The following SYT12 variants were observed in gnomAD, a reference collection of about 807,000 sequenced individuals.
SYT12 encodes synaptotagmin 12, also known as synaptotagmin-12.
Under a neutral mutation model 39.5 loss-of-function variants are expected in SYT12, and 27 were observed. The observed-to-expected ratio is 0.68, with a 90% CI of 0.50 to 0.94. The LOEUF (loss-of-function observed/expected upper bound fraction) is 0.94. SYT12 is among the 40% of genes least tolerant of loss of function. SYT12 has a pLI of 0.00. For missense variants in SYT12, 536 were observed against 572.6 expected, an observed-to-expected ratio of 0.94 and a Z score of 0.65; for synonymous variants, 233 against 239.7, an observed-to-expected ratio of 0.97 and a Z score of 0.26.
intron 3 of SYT12, among the ~76,000 whole-genome samples, chr11:67,013,326 C>G (rs562763288): frequency 6.6e-6 from 1 of 152,162 alleles, no homozygotes; most frequent in Non-Finnish European, 1.5e-5. Context: ...TTGTGTCTGC[C>G]GAGCTGATAC....
chr11:67,040,118 T>C lies in SYT12; in HGVS notation c.536T>C (p.Leu179Pro), dbSNP rs1033273259. ...LNVAVMQGKD[L>P]LEREEASFES... ...GTGGCGGTGATGCAGGGCAAGGACC[T>C]CCTGGAGCGGGAGGAGGCCAGCTTC... Residue 179 changes from leucine to proline, a missense_variant, in exon 4 of 8, where the codon CTC becomes CCC. Transcript: ENST00000527043. 2 of 1,612,610 alleles carry C rather than the reference T, an allele frequency of 1.2e-6. No individual in the cohort carries two copies. Among genetic ancestry groups the C allele is most frequent in the African/African-American group, 2.7e-5 (2 of 74,912 alleles).
At chr11:67,037,652 G>A (rs1023642712) in intron 3 of SYT12, among the ~76,000 whole-genome samples, 1 of 152,016 alleles carries the variant, frequency 6.6e-6, no homozygotes, top group African/African-American at 2.4e-5. Context: ...GGAAGCTGAG[G>A]TGGGCATCAC....
chr11:67,025,334 G>A (rs1950166660), intron 1 of SYT12, among the ~76,000 whole-genome samples: 1 of 152,218 alleles, frequency 6.6e-6, no homozygotes, highest in African/African-American at 2.4e-5. Flanking sequence ...TGAACCTAGA[G>A]CTGTTTTCAA....
intron 3 of SYT12, among the ~76,000 whole-genome samples, chr11:67,039,243 C>T (rs544663060): frequency 6.6e-6 from 1 of 151,762 alleles, no homozygotes; most frequent in African/African-American, 2.4e-5. Flanking sequence ...GGGGAGGTTG[C>T]AGTGAATGGA....
chr11:67,023,996 T>C (rs1950147681), intron 1 of SYT12, among the ~76,000 whole-genome samples: 1 of 151,334 alleles, frequency 6.6e-6, no homozygotes, highest in South Asian at 2.1e-4. Context: ...TGGGGGGCTT[T>C]CCAGAGCTTA....
chr11:67,017,422 C>T (rs531177336), intron 3 of SYT12, among the ~76,000 whole-genome samples: 32 of 150,222 alleles, frequency 2.1e-4, no homozygotes, highest in African/African-American at 7.1e-4. Context: ...TGCAGTAGTG[C>T]GAACTAGGCT....
intron 1 of SYT12, among the ~76,000 whole-genome samples, chr11:67,024,136 G>A (rs1185379921): frequency 6.6e-6 from 1 of 152,194 alleles, no homozygotes; most frequent in Non-Finnish European, 1.5e-5. Flanking sequence ...AAGGCCCTGA[G>A]CTGGCCATCC....
chr11:67,039,669 CT>C, intron 3 of SYT12, 141 bp from the exon 4 acceptor site: 1 of 1,025,130 alleles, frequency 9.8e-7, no homozygotes, highest in South Asian at 1.7e-5. Flanking sequence ...AGCGACCTTC[CT>C]AGCTAAGGGA....
chr11:67,008,293 C>A (rs966374541), intron 1 of SYT12, among the ~76,000 whole-genome samples: 3 of 152,112 alleles, frequency 2.0e-5, no homozygotes, highest in African/African-American at 4.8e-5. Context: ...CCTTTCAGTT[C>A]TTTTATTCAC....
intron 3 of SYT12, among the ~76,000 whole-genome samples, chr11:67,037,710 G>A (rs1245764632): frequency 1.3e-5 from 2 of 151,580 alleles, no homozygotes; most frequent in Non-Finnish European, 2.9e-5. Flanking sequence ...GAGAAATGCC[G>A]TCTCTACTAA....
chr11:67,012,951 TG>T (rs11451963), intron 3 of SYT12, among the ~76,000 whole-genome samples: 5,630 of 151,696 alleles, frequency 0.037, 338 homozygotes, highest in African/African-American at 0.13. Flanking sequence ...TTTTGAAACC[TG>T]GGGGGGGTCA....
rs555493327 is a variant in SYT12, at chr11:67,048,922, G to A, written c.*165G>A. 6.2e-6 allele frequency: 5 copies of A among 806,646 alleles called. No individual in the cohort carries two copies. The African/African-American group carries it at 8.6e-5, about 14-fold the overall frequency. The allele number at this position is 806,646 out of a possible 1,614,324, so 50.0% of individuals were successfully genotyped here. A position where few individuals can be genotyped will look rare whatever the true frequency, so the allele number is the denominator to read the frequency against. On this transcript the variant is annotated 3_prime_UTR_variant, in exon 8 of 8. Coordinates refer to ENST00000527043, the MANE Select transcript of SYT12 (RefSeq NM_177963.4). ...TCTCTGTCCAGATTGCAGCAGAGGA[G>A]TGGGCGTGGCTCTGTGTCCAGGGCC... is the stretch of plus-strand genomic sequence containing the variant.
chr11:67,008,356 C>T (rs1189874636), intron 1 of SYT12, among the ~76,000 whole-genome samples: 1 of 152,124 alleles, frequency 6.6e-6, no homozygotes, highest in Non-Finnish European at 1.5e-5. Context: ...TTGAATCCCA[C>T]CTCTGTCACC....
rs1275703199 is a variant in SYT12, at chr11:67,045,895, A to T, written c.1092+18A>T. 7 of 1,611,852 alleles carry T rather than the reference A, an allele frequency of 4.3e-6. No homozygotes were observed. The highest frequency in any genetic ancestry group is 1.3e-5 in the African/African-American group (1 of 74,336). Reference sequence around the variant, plus strand: ...TGCTCCAGGTGAGGGGGGCTGGGGGATGGGAAGGGGCCAGGTCACCCCAGG... The same window carrying T: ...TGCTCCAGGTGAGGGGGGCTGGGGGTTGGGAAGGGGCCAGGTCACCCCAGG... On this transcript the variant is annotated intron_variant, in intron 7 of 7. Transcript: ENST00000527043.
At chr11:67,041,466 G>A (rs928680249) in intron 4 of SYT12, among the ~76,000 whole-genome samples, 10 of 152,206 alleles carry the variant, frequency 6.6e-5, no homozygotes, top group African/African-American at 1.2e-4. Context: ...GTGAGACTCC[G>A]TCTCAAAAAT....
intron 1 of SYT12, 105 bp from the exon 2 acceptor site, chr11:67,030,017 G>A: frequency 2.0e-6 from 2 of 976,466 alleles, no homozygotes; most frequent in East Asian, 4.8e-5. Context: ...TTATAGCTGA[G>A]TGTAAGCTCT....
At chr11:67,013,945 C>G (rs991255515) in intron 3 of SYT12, among the ~76,000 whole-genome samples, 1 of 152,198 alleles carries the variant, frequency 6.6e-6, no homozygotes, top group South Asian at 2.1e-4. Context: ...TCCCAGCTTC[C>G]GGGGGCTGCC....
At chr11:67,044,750 C>T (rs1235960406) in intron 6 of SYT12, 37 bp downstream of exon 6, 3 of 1,610,606 alleles carry the variant, frequency 1.9e-6, no homozygotes, top group Admixed American at 3.3e-5. Flanking sequence ...CTCCACGTAG[C>T]TCAGTGGAAG....
At chr11:67,028,179 T>C (rs1334663278) in intron 1 of SYT12, 3 of 152,158 alleles carry the variant, frequency 2.0e-5, no homozygotes, top group African/African-American at 7.2e-5. Flanking sequence ...CATGGGGCTG[T>C]TAGGCAAATT....
Sources: gnomAD v4.1 joint callset for allele counts (sites outside exome capture counted in the v4.1 genomes callset) on GRCh38, gnomAD v4.1.1 for gene constraint, MANE v1.5 for transcripts, NCBI Gene and HGNC (gene_info 2026-07-23, HGNC 2026-07-21) for gene names.